GNE: variants seen among roughly 807,000 people sequenced by gnomAD.
GNE encodes bifunctional UDP-N-acetylglucosamine 2-epimerase/N-acetylmannosamine kinase.
In GNE, 41 loss-of-function variants were observed where a neutral mutation model predicts 61.8. That is an observed-to-expected ratio of 0.66 (90% CI 0.52 to 0.86). The LOEUF is 0.86. Ranked by LOEUF, GNE falls within the 40% of genes least tolerant of loss-of-function variation. GNE has a pLI of 0.00. For synonymous variants in GNE, 264 were observed against 326.4 expected, an observed-to-expected ratio of 0.81 and a Z score of 2.06; for missense variants, 608 against 909.1, an observed-to-expected ratio of 0.67 and a Z score of 4.26.
In GNE at chr9:36,246,414, C is replaced by T. The variant is rs886043490; in HGVS notation, c.233G>A (p.Gly78Glu). Residue 78 changes from glycine to glutamate, a missense_variant, in exon 3 of 12, where the codon GGA becomes GAA. Transcript: ENST00000642385. ...CTCCACCATGGCTGCCTCATCTTCT[C>T]CCCTCACAATTGTGTGTAGCCTGGT... ...INTRLHTIVR[G>E]EDEAAMVESV... 6.2e-7 allele frequency: 1 copy of T among 1,613,866 alleles called. No homozygotes were observed. Among genetic ancestry groups the T allele is most frequent in the South Asian group, 1.1e-5 (1 of 91,052 alleles).
chr9:36,262,480 G>A (rs1337118736), upstream of GNE, among the ~76,000 whole-genome samples: 2 of 151,984 alleles, frequency 1.3e-5, no homozygotes, highest in Non-Finnish European at 2.9e-5. Flanking sequence ...TTACTTTACT[G>A]TTTAACATTG....
Position 36,220,091 on chromosome 9 carries a change from A to G in GNE, c.1634-71T>C, listed in dbSNP as rs1311938163. On this transcript the variant is annotated intron_variant, in intron 9 of 11. Transcript: ENST00000642385. ...GAAAACTATGATATCACAACGCCTC[A>G]TCTATTTAGCAGAGCTTTGGCATGT... is the stretch of plus-strand genomic sequence containing the variant. 4 of 1,252,836 alleles carry G rather than the reference A, an allele frequency of 3.2e-6. No individual in the cohort carries two copies. In the African/African-American group the frequency reaches 5.9e-5, roughly 18 times the overall value. The allele number at this position is 1,252,836 out of a possible 1,614,324, so 77.6% of individuals were successfully genotyped here. A position where few individuals can be genotyped will look rare whatever the true frequency, so the allele number is the denominator to read the frequency against.
rs1554664064 is a variant in GNE at position 36,249,277 on chromosome 9, G to A, written c.79C>T (p.Pro27Ser). 1.2e-6 allele frequency: 2 copies of A among 1,614,102 alleles called. No homozygotes were observed. Among genetic ancestry groups the A allele is most frequent in the African/African-American group, 2.7e-5 (2 of 75,024 alleles). The change falls in exon 2 of 12, where the codon CCG (proline) becomes TCG (serine). Residue 27 changes from proline to serine, a missense_variant. Pro to Ser is a moderately conservative substitution (Grantham distance 74). Transcript: ENST00000642385. Reference protein sequence around the residue: ...CNRADYSKLAPIMFGIKTEPE... With the variant: ...CNRADYSKLASIMFGIKTEPE... ...TCGGTTTTAATGCCAAACATGATCG[G>A]GGCAAGTTTAGAATAATCTGCACGG...
chr9:36,245,077 AG>A (rs1829813603), intron 3 of GNE, among the ~76,000 whole-genome samples: 1 of 151,848 alleles, frequency 6.6e-6, no homozygotes, highest in Non-Finnish European at 1.5e-5. Context: ...CAGGAGTTCG[AG>A]ACCAGCCTGG....
chr9:36,248,822 G>A (rs1830004385), intron 2 of GNE, among the ~76,000 whole-genome samples: 1 of 152,072 alleles, frequency 6.6e-6, no homozygotes, highest in Admixed American at 6.6e-5. Context: ...TCACAAAACA[G>A]TTTACATGGA....
intron 5 of GNE, among the ~76,000 whole-genome samples, chr9:36,230,104 G>A (rs762479153): frequency 2.6e-5 from 4 of 152,018 alleles, no homozygotes; most frequent in Non-Finnish European, 4.4e-5. Context: ...GTACCACCAC[G>A]CTTGGCTAAT....
chr9:36,262,432 T>C (rs1830642584), upstream of GNE, among the ~76,000 whole-genome samples: 2 of 152,186 alleles, frequency 1.3e-5, no homozygotes, highest in Admixed American at 1.3e-4. Context: ...TGAGATCACT[T>C]TCCTATGGGT....
chr9:36,260,295 A>AAG (rs1554666244), upstream of GNE, among the ~76,000 whole-genome samples: 12 of 149,624 alleles, frequency 8.0e-5, no homozygotes, highest in African/African-American at 2.8e-4. Flanking sequence ...AAAAAAAAAA[A>AAG]AAAGAAAGAA....
Position 36,216,327 on chromosome 9 carries a change from A to ATGTGTGTGTGTGGGTGTGTGTGTG in GNE, c.*1037_*1038insCACACACACACCCACACACACACA. On this transcript the variant is annotated 3_prime_UTR_variant, in exon 12 of 12. Coordinates refer to ENST00000642385, the MANE Select transcript of GNE (RefSeq NM_005476.7). ...TTAGTTTGGGGTTAGAGGAGGAAGG[A>ATGTGTGTGTGTGGGTGTGTGTGTG]TGTGTGTGTGTGTGTGTGTGTGTGT... 1 of 355,724 alleles carries ATGTGTGTGTGTGGGTGTGTGTGTG rather than the reference A, an allele frequency of 2.8e-6. No individual in the cohort carries two copies. Among genetic ancestry groups the ATGTGTGTGTGTGGGTGTGTGTGTG allele is most frequent in the East Asian group, 7.9e-5 (1 of 12,692 alleles). 22.0% of individuals were successfully genotyped at this position (355,724 alleles called of 1,614,324 possible).
At position 36,234,108 on chromosome 9, in the gene GNE, A is replaced by G. The variant is rs2133068813; in HGVS notation, c.794T>C (p.Met265Thr). ...ATGATGCTCAATGCCCTTCTTCCGC[A>G]TCACTCGAACCATCTCTTTGCTCCC... The part of the protein sequence containing the change: ...DAGSKEMVRV[M>T]RKKGIEHHPN... The change falls in exon 5 of 12, where the codon ATG becomes ACG. Residue 265 changes from methionine (M) to threonine (T), a missense_variant. Met to Thr is a moderately conservative substitution (Grantham distance 81, BLOSUM62 -1). Coordinates refer to ENST00000642385, the MANE Select transcript of GNE (RefSeq NM_005476.7). 2.5e-6 allele frequency: 4 copies of G among 1,613,868 alleles called. No homozygotes were observed. Among genetic ancestry groups the G allele is most frequent in the Non-Finnish European group, 3.4e-6 (4 of 1,179,724 alleles).
chr9:36,270,565 C>G (rs1397873038), intron 1 of GNE, among the ~76,000 whole-genome samples: 12 of 149,828 alleles, frequency 8.0e-5, no homozygotes, highest in Non-Finnish European at 1.8e-4. Context: ...TCGCCCAGGC[C>G]GTACTGCAGT....
chr9:36,240,284 A>C (rs1318483125), intron 3 of GNE, among the ~76,000 whole-genome samples: 1 of 152,178 alleles, frequency 6.6e-6, no homozygotes, highest in Non-Finnish European at 1.5e-5. Context: ...TCAGTATTAC[A>C]TTAGCTGTGG....
chr9:36,243,608 C>T (rs958430133), intron 3 of GNE, among the ~76,000 whole-genome samples: 7 of 151,980 alleles, frequency 4.6e-5, no homozygotes, highest in South Asian at 2.1e-4. Flanking sequence ...TTTGGGAGGC[C>T]GAGGCAGGAG....
chr9:36,227,325 G>A lies in GNE; in HGVS notation c.1204C>T (p.His402Tyr). Reference sequence around the variant, plus strand: ...AAGGCACTTAGAGTTTCAAGAATATGGTCAATATCTTGAGAGATATTCTCC... The same window carrying A: ...AAGGCACTTAGAGTTTCAAGAATATAGTCAATATCTTGAGAGATATTCTCC... ...VKENISQDID[H>Y]ILETLSALAV... The change falls in exon 7 of 12, where the codon CAT becomes TAT. Residue 402 changes from histidine (H) to tyrosine (Y), a missense_variant. His to Tyr is a moderately conservative substitution (Grantham distance 83). Transcript: ENST00000642385. The A allele has an allele frequency of 6.2e-7, 1 of 1,612,854 alleles. No homozygotes were observed. Among genetic ancestry groups the A allele is most frequent in the South Asian group, 1.1e-5 (1 of 91,054 alleles).
chr9:36,235,830 T>C (rs1487970781), intron 4 of GNE, among the ~76,000 whole-genome samples: 2 of 152,136 alleles, frequency 1.3e-5, no homozygotes, highest in African/African-American at 4.8e-5. Flanking sequence ...GGGTTCTGCC[T>C]CCTTTACCAA....
At chr9:36,234,461 T>G (rs1829310616) in intron 4 of GNE, among the ~76,000 whole-genome samples, 1 of 152,092 alleles carries the variant, frequency 6.6e-6, no homozygotes, top group South Asian at 2.1e-4. Context: ...CTGTATCTCT[T>G]AACCTGAGAG....
chr9:36,261,433 G>A (rs932768184), upstream of GNE, among the ~76,000 whole-genome samples: 7 of 151,894 alleles, frequency 4.6e-5, no homozygotes, highest in Admixed American at 1.3e-4. Flanking sequence ...CACGCCTGTA[G>A]TCCCGGCTAC....
chr9:36,222,445 G>T (rs950543304), intron 9 of GNE, among the ~76,000 whole-genome samples: 2 of 151,734 alleles, frequency 1.3e-5, no homozygotes, highest in African/African-American at 4.8e-5. Context: ...ACATTTCAAG[G>T]TAAAATGTAT....
intron 9 of GNE, among the ~76,000 whole-genome samples, chr9:36,221,985 G>A (rs887367837): frequency 1.2e-4 from 18 of 152,106 alleles, no homozygotes; most frequent in Admixed American, 3.3e-4. Flanking sequence ...GGGGCAGGAC[G>A]AACTTATTTT....
Sources: gnomAD v4.1 joint callset for allele counts (sites outside exome capture counted in the v4.1 genomes callset) on GRCh38, gnomAD v4.1.1 for gene constraint, MANE v1.5 for transcripts, NCBI Gene and HGNC (gene_info 2026-07-23, HGNC 2026-07-21) for gene names.